NSMAF: variants seen among roughly 807,000 people sequenced by gnomAD.
The protein encoded by NSMAF is neutral sphingomyelinase activation associated factor.
Under a neutral mutation model 134.9 loss-of-function variants are expected in NSMAF, and 90 were observed. That is an observed-to-expected ratio of 0.67 (90% CI 0.56 to 0.79). NSMAF has a LOEUF of 0.79. Ranked by LOEUF, NSMAF falls within the 30% of genes least tolerant of loss-of-function variation. NSMAF has a pLI of 0.00. For missense variants in NSMAF, 1,010 were observed against 1,119.0 expected, an observed-to-expected ratio of 0.90 and a Z score of 1.39; for synonymous variants, 358 against 389.6, an observed-to-expected ratio of 0.92 and a Z score of 0.96.
Position 58,643,021 on chromosome 8 carries a change from C to G in NSMAF, c.112G>C (p.Ala38Pro). The G allele has an allele frequency of 6.2e-7, 1 of 1,614,090 alleles. No individual in the cohort carries two copies. The highest frequency in any genetic ancestry group is 8.5e-7 in the Non-Finnish European group (1 of 1,179,978). ...LEEYYFEQHR[A>P]NHILHKGSHH... ...CTGCCCTTGTGCAAAATGTGATTGG[C>G]TCTATGCTGTTCAAAGTAGTACTCC... Residue 38 changes from alanine to proline, a missense_variant, in exon 2 of 31, where the codon GCC becomes CCC. Physicochemically the swap from Ala to Pro is conservative, Grantham distance 27. Coordinates refer to ENST00000038176, the MANE Select transcript of NSMAF (RefSeq NM_003580.4).
At chr8:58,653,442 A>T (rs1807630806) in intron 1 of NSMAF, among the ~76,000 whole-genome samples, 1 of 151,652 alleles carries the variant, frequency 6.6e-6, no homozygotes, top group Admixed American at 6.6e-5. Context: ...TTTATAAGAA[A>T]CAGGCCTAAA....
chr8:58,659,054 A>C, intron 1 of NSMAF: 1 of 701,236 alleles, frequency 1.4e-6, no homozygotes, highest in Non-Finnish European at 2.2e-6. Flanking sequence ...TCGGCAGGAA[A>C]AAGGCGCGGC....
intron 18 of NSMAF, 105 bp from the exon 19 acceptor site, chr8:58,599,468 T>C (rs1250562277): frequency 7.9e-7 from 1 of 1,260,128 alleles, no homozygotes; most frequent in Admixed American, 2.5e-5. Context: ...AGGCAAGAGG[T>C]CCATATTTCT....
chr8:58,624,946 G>A (rs1010086562), intron 6 of NSMAF, among the ~76,000 whole-genome samples: 1 of 152,170 alleles, frequency 6.6e-6, no homozygotes, highest in African/African-American at 2.4e-5. Context: ...ACATACATAT[G>A]GTGATGATTA....
chr8:58,607,424 A>G (rs927438451), intron 11 of NSMAF, among the ~76,000 whole-genome samples: 9 of 152,244 alleles, frequency 5.9e-5, no homozygotes, highest in Non-Finnish European at 8.8e-5. Context: ...CCTAGCTGCT[A>G]TGAATGGTGG....
Position 58,584,180 on chromosome 8 carries a change from T to A in NSMAF, c.2680A>T (p.Met894Leu), listed in dbSNP as rs1437688871. 2 of 1,613,598 alleles carry A rather than the reference T, an allele frequency of 1.2e-6. No individual in the cohort carries two copies. The highest frequency in any genetic ancestry group is 1.7e-5 in the Admixed American group (1 of 60,018). ...GHTGAVTCIWMNEQCSSIITG... is the reference protein window; with the variant it reads ...GHTGAVTCIWLNEQCSSIITG... ...ATGATACTGCTACACTGTTCATTCA[T>A]CCATATACATGTCACAGCACCTGAG... is the stretch of plus-strand genomic sequence containing the variant. Residue 894 changes from methionine to leucine, a missense_variant, in exon 31 of 31, where the codon ATG becomes TTG. Met to Leu is a conservative substitution (Grantham distance 15, BLOSUM62 2). Coordinates refer to ENST00000038176, the MANE Select transcript of NSMAF (RefSeq NM_003580.4).
Position 58,601,444 on chromosome 8 carries a change from C to A in NSMAF, c.1216+1G>T, listed in dbSNP as rs1170463575. ...TTGGGGGTAATGATAAAGAATCTTA[C>A]CAATCCTAACAAGATAAAAAAGTAC... On this transcript the variant is annotated splice_donor_variant, in intron 15 of 30. Coordinates refer to ENST00000038176, the MANE Select transcript of NSMAF (RefSeq NM_003580.4). LOFTEE classifies it high-confidence loss of function. 6 of 1,612,562 alleles carry A rather than the reference C, an allele frequency of 3.7e-6. No homozygotes were observed. Among genetic ancestry groups the A allele is most frequent in the Non-Finnish European group, 5.1e-6 (6 of 1,179,464 alleles).
chr8:58,592,609 C>T (rs1806042791), intron 23 of NSMAF, among the ~76,000 whole-genome samples: 2 of 152,158 alleles, frequency 1.3e-5, no homozygotes, highest in Non-Finnish European at 1.5e-5. Context: ...CTCTCTCGGC[C>T]GGGCGTGGTG....
chr8:58,659,044 T>C (rs1807789179), intron 1 of NSMAF: 1 of 641,068 alleles, frequency 1.6e-6, no homozygotes, highest in South Asian at 2.3e-5. Context: ...TCTAAAGGAG[T>C]CGGCAGGAAA....
At chr8:58,598,158 T>C (rs889074475) in intron 19 of NSMAF, among the ~76,000 whole-genome samples, 29 of 152,188 alleles carry the variant, frequency 1.9e-4, no homozygotes, top group African/African-American at 6.8e-4. Flanking sequence ...GCATGACTTA[T>C]AGAATTAATA....
chr8:58,631,680 C>A, intron 5 of NSMAF, 134 bp from the exon 6 acceptor site: 1 of 505,864 alleles, frequency 2.0e-6, no homozygotes, highest in Non-Finnish European at 3.4e-6. Flanking sequence ...GAAGTATTTG[C>A]TTTAGTATTA....
At chr8:58,594,120 C>A in intron 23 of NSMAF, 112 bp downstream of exon 23, 2 of 843,624 alleles carry the variant, frequency 2.4e-6, no homozygotes, top group South Asian at 1.5e-5. Context: ...TCTAAGTTTA[C>A]TTTATGTGGA....
intron 6 of NSMAF, among the ~76,000 whole-genome samples, chr8:58,624,913 A>G (rs1806883725): frequency 6.6e-6 from 1 of 152,162 alleles, no homozygotes; most frequent in Admixed American, 6.5e-5. Flanking sequence ...CGCTTCATAT[A>G]TTTAGATGTT....
intron 6 of NSMAF, among the ~76,000 whole-genome samples, chr8:58,627,530 T>C (rs1806962703): frequency 6.6e-6 from 1 of 152,130 alleles, no homozygotes; most frequent in Non-Finnish European, 1.5e-5. Flanking sequence ...AGAAAATCAA[T>C]GTACACAAAT....
chr8:58,605,880 CAAAAAA>C, intron 12 of NSMAF, 41 bp downstream of exon 12: 25 of 1,273,246 alleles, frequency 2.0e-5, no homozygotes, highest in East Asian at 6.9e-5. Flanking sequence ...ACTCAGCCTC[CAAAAAA>C]AAAAAAAAAA....
chr8:58,657,674 T>C (rs1807750290), intron 1 of NSMAF, among the ~76,000 whole-genome samples: 1 of 152,270 alleles, frequency 6.6e-6, no homozygotes, highest in Admixed American at 6.5e-5. Context: ...GAATGGAGTA[T>C]GCCCATCAGC....
chr8:58,595,500 C>A (rs909893532), intron 22 of NSMAF, 60 bp downstream of exon 22: 1 of 1,203,610 alleles, frequency 8.3e-7, no homozygotes, highest in Admixed American at 1.7e-5. Flanking sequence ...TAATCCCATG[C>A]CAAGACCCTA....
intron 9 of NSMAF, among the ~76,000 whole-genome samples, chr8:58,613,886 G>C (rs1275834539): frequency 6.6e-6 from 1 of 152,014 alleles, no homozygotes; most frequent in Non-Finnish European, 1.5e-5. Context: ...CATTTCCTTT[G>C]ACCATCATGT....
In NSMAF at chr8:58,587,632, C is replaced by T. The variant is rs1201088545; in HGVS notation, c.2281G>A (p.Glu761Lys). Residue 761 changes from glutamate to lysine, a missense_variant, in exon 27 of 31, where the codon GAA becomes AAA. Glu to Lys is a moderately conservative substitution (Grantham distance 56). Transcript: ENST00000038176. Reference protein sequence around the residue: ...RHHFDLLAELEHDVSVDTISL... With the variant: ...RHHFDLLAELKHDVSVDTISL... ...CTGGTACTCACACTGACATCATGTT[C>T]CAGCTCGGCCAGCAAGTCAAAGTGG... The T allele has an allele frequency of 1.2e-6, 2 of 1,614,032 alleles. No homozygotes were observed. The highest frequency in any genetic ancestry group is 1.7e-6 in the Non-Finnish European group (2 of 1,180,000).
Sources: allele counts gnomAD v4.1 joint callset (sites outside exome capture counted in the v4.1 genomes callset), GRCh38; gene constraint gnomAD v4.1.1; transcripts MANE v1.5; gene names NCBI Gene and HGNC (gene_info 2026-07-23, HGNC 2026-07-21).